The following RIN2 variants were observed in gnomAD, a reference collection of about 807,000 sequenced individuals.
RIN2 encodes RAB5 interacting protein 2.
In RIN2, 36 loss-of-function variants were observed where a neutral mutation model predicts 78.0. The observed-to-expected ratio is 0.46, with a 90% CI of 0.35 to 0.61. The LOEUF (loss-of-function observed/expected upper bound fraction) is 0.61, where lower values mean the gene tolerates loss of function less well. Ranked by LOEUF, RIN2 falls within the 20% of genes least tolerant of loss-of-function variation. The probability of loss-of-function intolerance (pLI) is 0.00; values close to 1 mark genes in which losing one functional copy is unlikely to be tolerated. For missense variants in RIN2, 1,087 were observed against 1,159.7 expected, an observed-to-expected ratio of 0.94 and a Z score of 0.91; for synonymous variants, 466 against 466.8, an observed-to-expected ratio of 1.00 and a Z score of 0.02.
At chr20:19,874,810 A>G (rs1246609172) in intron 2 of RIN2, among the ~76,000 whole-genome samples, 1 of 152,090 alleles carries the variant, frequency 6.6e-6, no homozygotes, top group Non-Finnish European at 1.5e-5. Flanking sequence ...GGGGCCCTAA[A>G]GAGGGAATAT....
In RIN2 at chr20:19,972,468, C is replaced by T. The variant is rs116121044; in HGVS notation, c.628+1539C>T. ...GCTACTAACCAGAAGCGACTGAGGGCTAATTAACATATATTCGACTTGTGA... is the reference window on the plus strand; with the variant it reads ...GCTACTAACCAGAAGCGACTGAGGGTTAATTAACATATATTCGACTTGTGA... On this transcript the variant is annotated intron_variant, in intron 8 of 12. Coordinates refer to ENST00000255006, the MANE Select transcript of RIN2 (RefSeq NM_018993.4). Among the ~76,000 whole-genome samples the T allele has an allele frequency of 2.6e-3, 400 of 152,208 alleles. 1 individual carries two copies. The highest frequency in any genetic ancestry group is 8.5e-3 in the African/African-American group (351 of 41,538).
Position 19,975,041 on chromosome 20 carries a change from A to G in RIN2, c.1016A>G (p.Asn339Ser). ...CAGACGAGCATGCCAGAAACAGTCA[A>G]CCATAACAAACATGGGAACGTAGCT... ...ETQTSMPETV[N>S]HNKHGNVALP... is the part of the protein sequence containing the mutation. The change falls in exon 9 of 13, where the codon AAC becomes AGC. Residue 339 changes from asparagine (N) to serine (S), a missense_variant. Around this residue, in one of 8 missense-constraint regions of RIN2, gnomAD observed 706 missense variants for 667.5 expected, o/e 1.06. Transcript: ENST00000255006. This position sits in a 1 kb window ranked among gnomAD's most constrained non-coding sequence, Gnocchi z 4.9. 6.2e-7 allele frequency: 1 copy of G among 1,613,492 alleles called. No homozygotes were observed. Among genetic ancestry groups the G allele is most frequent in the South Asian group, 1.1e-5 (1 of 91,080 alleles).
chr20:19,808,100 T>TAAGC (rs1454304907), intron 2 of RIN2, among the ~76,000 whole-genome samples: 1 of 152,272 alleles, frequency 6.6e-6, no homozygotes, highest in Admixed American at 6.5e-5. Context: ...TTGCATTGGC[T>TAAGC]AAGCAAGCAA....
At chr20:19,797,114 T>C (rs1047631394) in intron 1 of RIN2, among the ~76,000 whole-genome samples, 2 of 152,162 alleles carry the variant, frequency 1.3e-5, no homozygotes, top group Non-Finnish European at 1.5e-5. Flanking sequence ...AGTAAGTGAG[T>C]GTCCCAGCAT....
intron 3 of RIN2, among the ~76,000 whole-genome samples, chr20:19,904,505 G>T (rs553077948): frequency 7.9e-5 from 12 of 151,948 alleles, no homozygotes; most frequent in Non-Finnish European, 1.6e-4. Flanking sequence ...TTCCTGAAAA[G>T]GTGACTTTAA....
intron 2 of RIN2, among the ~76,000 whole-genome samples, chr20:19,868,055 A>G (rs2037563415): frequency 6.6e-6 from 1 of 152,238 alleles, no homozygotes; most frequent in South Asian, 2.1e-4. Context: ...ACCAAGCTCC[A>G]CAGCAGGAAC....
At chr20:19,901,363 G>A (rs1448232276) in intron 3 of RIN2, among the ~76,000 whole-genome samples, 1 of 124,658 alleles carries the variant, frequency 8.0e-6, no homozygotes, top group East Asian at 2.6e-4. Flanking sequence ...ACAGATACAT[G>A]GGTGGACATC....
intron 2 of RIN2, among the ~76,000 whole-genome samples, chr20:19,864,172 CG>C (rs764817784): frequency 6.6e-6 from 1 of 151,726 alleles, no homozygotes; most frequent in Non-Finnish European, 1.5e-5. Context: ...TTGCAAGAGG[CG>C]GGAGAAGTTA....
In RIN2 at chr20:19,823,128, C is replaced by T. The variant is rs932133785; in HGVS notation, c.-37+23381C>T. Among the ~76,000 whole-genome samples the T allele has an allele frequency of 5.9e-5, 9 of 152,120 alleles. No individual in the cohort carries two copies. The East Asian group carries it at 1.2e-3, about 20-fold the overall frequency. Reference sequence around the variant, plus strand: ...GTAACTAAGTAACTGCTCAAAGTCACGCCTTTAGTGATTCCCTGGGATGGC... The same window carrying T: ...GTAACTAAGTAACTGCTCAAAGTCATGCCTTTAGTGATTCCCTGGGATGGC... On this transcript the variant is annotated intron_variant, in intron 2 of 12. Transcript: ENST00000255006.
intron 3 of RIN2, among the ~76,000 whole-genome samples, chr20:19,901,860 C>T (rs1466747710): frequency 6.6e-6 from 1 of 151,728 alleles, no homozygotes; most frequent in Admixed American, 6.6e-5. Context: ...CTACTACAGA[C>T]ACAAAAATTA....
chr20:19,807,177 C>G (rs1301078836), intron 2 of RIN2, among the ~76,000 whole-genome samples: 1 of 152,206 alleles, frequency 6.6e-6, no homozygotes, highest in African/African-American at 2.4e-5. Context: ...AATCGGCACA[C>G]TGACATTTTT....
intron 3 of RIN2, among the ~76,000 whole-genome samples, chr20:19,891,686 G>A (rs143119635): frequency 0.051 from 7,728 of 152,232 alleles, 406 homozygotes; most frequent in African/African-American, 0.13. Flanking sequence ...GGGTGTGGTG[G>A]CCTGCACCTG....
At chr20:19,801,143 C>T (rs2035228596) in intron 2 of RIN2, among the ~76,000 whole-genome samples, 1 of 152,150 alleles carries the variant, frequency 6.6e-6, no homozygotes, top group Non-Finnish European at 1.5e-5. Context: ...TGGTTGGGTG[C>T]CTCCCTTTCT....
chr20:19,823,261 C>A (rs2035982217), intron 2 of RIN2, among the ~76,000 whole-genome samples: 1 of 152,200 alleles, frequency 6.6e-6, no homozygotes, highest in African/African-American at 2.4e-5. Context: ...GCTGAAGAAG[C>A]AGAAGGTAGT....
At chr20:19,970,601 T>G (rs754675096) in intron 7 of RIN2, among the ~76,000 whole-genome samples, 1 of 152,220 alleles carries the variant, frequency 6.6e-6, no homozygotes, top group Non-Finnish European at 1.5e-5. Context: ...GGGTCCCTAC[T>G]TTGATACTGA....
chr20:19,774,576 G>T (rs1482663785), intron 1 of RIN2, among the ~76,000 whole-genome samples: 1 of 152,142 alleles, frequency 6.6e-6, no homozygotes, highest in African/African-American at 2.4e-5. Context: ...AAAATTATTC[G>T]TATTCTAGAA....
chr20:19,904,314 G>A (rs1690737759), intron 3 of RIN2, among the ~76,000 whole-genome samples: 1 of 150,868 alleles, frequency 6.6e-6, no homozygotes, highest in South Asian at 2.1e-4. Context: ...GCACACATCT[G>A]TATGCGCTGC....
Position 19,990,241 on chromosome 20 carries a change from G to A in RIN2, c.1998G>A (p.Ser666=), listed in dbSNP as rs1338774803. 1.8e-5 allele frequency: 29 copies of A among 1,613,292 alleles called. No individual in the cohort carries two copies. Among genetic ancestry groups the A allele is most frequent in the Non-Finnish European group, 2.3e-5 (27 of 1,179,718 alleles). Residue 666 remains serine (S), a synonymous_variant, in exon 10 of 13, where the codon TCG becomes TCA. Coordinates refer to ENST00000255006, the MANE Select transcript of RIN2 (RefSeq NM_018993.4). ...TCATGACCATGCAGAAGATGTATTC[G>A]CCGGAAAAGAAGGTCATGCTGCTGC... The part of the protein sequence containing the change: ...VKFMTMQKMY[S]PEKKVMLLLR...
intron 2 of RIN2, among the ~76,000 whole-genome samples, chr20:19,819,770 A>AT (rs2035876140): frequency 6.6e-6 from 1 of 152,138 alleles, no homozygotes. Flanking sequence ...CTGAGCTCAA[A>AT]TGATCCTCCT....
Sources: gnomAD v4.1 joint callset for allele counts (sites outside exome capture counted in the v4.1 genomes callset) on GRCh38, gnomAD v4.1.1 for gene constraint, gnomAD v4.1.1 regional missense constraint, Gnocchi (gnomAD v3.1) non-coding constraint, MANE v1.5 for transcripts, NCBI Gene and HGNC (gene_info 2026-07-23, HGNC 2026-07-21) for gene names.